RIN3: variants seen among roughly 807,000 people sequenced by gnomAD.
RIN3 encodes the protein Ras and Rab interactor 3.
A neutral mutation model predicts 76.3 loss-of-function variants in RIN3; 54 were observed. The ratio of observed to expected loss-of-function variants is 0.71; its 90% confidence interval spans 0.57 to 0.89. The LOEUF is 0.89. Ranked by LOEUF, RIN3 falls within the 40% of genes least tolerant of loss-of-function variation. The probability of loss-of-function intolerance (pLI) is 0.00; values close to 1 mark genes in which losing one functional copy is unlikely to be tolerated. For missense variants in RIN3, 1,256 were observed against 1,322.1 expected, an observed-to-expected ratio of 0.95 and a Z score of 0.78; for synonymous variants, 576 against 564.0, an observed-to-expected ratio of 1.02 and a Z score of -0.30.
chr14:92,621,503 T>G (rs1036646332), intron 4 of RIN3, among the ~76,000 whole-genome samples: 1 of 152,168 alleles, frequency 6.6e-6, no homozygotes, highest in African/African-American at 2.4e-5. Context: ...ATGAATACAT[T>G]GGTTTGTTTC....
chr14:92,548,120 TTATTTC>T (rs1368810341), intron 1 of RIN3, among the ~76,000 whole-genome samples: 1 of 152,204 alleles, frequency 6.6e-6, no homozygotes, highest in African/African-American at 2.4e-5. Flanking sequence ...CTTCTGGAAA[TTATTTC>T]TATGTATATT....
chr14:92,639,537 A>C (rs2140128861), intron 4 of RIN3, among the ~76,000 whole-genome samples: 1 of 152,250 alleles, frequency 6.6e-6, no homozygotes, highest in South Asian at 2.1e-4. Flanking sequence ...GGCCTTAAAC[A>C]CTAGGAAGAA....
At chr14:92,564,631 G>A (rs1897867787) in intron 2 of RIN3, among the ~76,000 whole-genome samples, 1 of 152,234 alleles carries the variant, frequency 6.6e-6, no homozygotes, top group Non-Finnish European at 1.5e-5. Context: ...TCAGCCCGTT[G>A]CTCTTACCAT....
chr14:92,651,947 C>A lies in RIN3; in HGVS notation c.898C>A (p.Leu300Ile). 1 of 1,299,592 alleles carries A rather than the reference C, an allele frequency of 7.7e-7. No individual in the cohort carries two copies. Among genetic ancestry groups the A allele is most frequent in the Non-Finnish European group, 1.0e-6 (1 of 987,738 alleles). 80.5% of individuals were successfully genotyped at this position (1,299,592 alleles called of 1,614,324 possible). A position where few individuals can be genotyped will look rare whatever the true frequency, so the allele number is the denominator to read the frequency against. ...QPCSPAQPPV[L>I]PALAPAPACP... ...CTGCAGCCCAGCCCAGCCCCCTGTG[C>A]TCCCTGCTCTTGCCCCCGCCCCTGC... Residue 300 changes from leucine (L) to isoleucine (I), a missense_variant, in exon 6 of 10, where the codon CTC becomes ATC. Leu to Ile is a conservative substitution (Grantham distance 5). Around this residue, in one of 3 missense-constraint regions of RIN3, gnomAD observed 610 missense variants for 626.4 expected, o/e 0.97. Coordinates refer to ENST00000216487, the MANE Select transcript of RIN3 (RefSeq NM_024832.5).
intron 2 of RIN3, among the ~76,000 whole-genome samples, chr14:92,575,069 T>C (rs1898180944): frequency 6.6e-6 from 1 of 152,206 alleles, no homozygotes; most frequent in Non-Finnish European, 1.5e-5. Context: ...TAGAATCTAA[T>C]GCACTAGTAT....
At chr14:92,675,857 G>A (rs910492657) in intron 7 of RIN3, among the ~76,000 whole-genome samples, 1 of 152,134 alleles carries the variant, frequency 6.6e-6, no homozygotes, top group African/African-American at 2.4e-5. Context: ...CATCTGCCAC[G>A]CAAAGTGTCT....
chr14:92,522,080 G>A (rs1896615388), intron 1 of RIN3, among the ~76,000 whole-genome samples: 1 of 152,152 alleles, frequency 6.6e-6, no homozygotes, highest in Non-Finnish European at 1.5e-5. Flanking sequence ...AAAGGTGGTT[G>A]GGGCCCCCTT....
At chr14:92,578,398 G>A (rs1898325685) in intron 3 of RIN3, among the ~76,000 whole-genome samples, 1 of 151,208 alleles carries the variant, frequency 6.6e-6, no homozygotes, top group African/African-American at 2.5e-5. Flanking sequence ...TGGGGCCCTT[G>A]TGGACTGCTG....
chr14:92,572,624 G>A (rs1898093161), intron 2 of RIN3, among the ~76,000 whole-genome samples: 1 of 152,170 alleles, frequency 6.6e-6, no homozygotes, highest in Admixed American at 6.5e-5. Context: ...CCCCTCAAGA[G>A]TCTAAGACCC....
chr14:92,517,210 G>A (rs929177469), intron 1 of RIN3, among the ~76,000 whole-genome samples: 4 of 152,200 alleles, frequency 2.6e-5, no homozygotes, highest in Admixed American at 6.5e-5. Flanking sequence ...GCAAAGGTTC[G>A]GGAGGTGGGA....
intron 8 of RIN3, among the ~76,000 whole-genome samples, chr14:92,678,121 T>C (rs1888533759): frequency 1.4e-5 from 2 of 146,976 alleles, no homozygotes; most frequent in South Asian, 2.2e-4. Context: ...CATCCACCCA[T>C]CCACATATTC....
At chr14:92,575,285 T>C (rs1328225543) in intron 2 of RIN3, among the ~76,000 whole-genome samples, 1 of 152,154 alleles carries the variant, frequency 6.6e-6, no homozygotes, top group African/African-American at 2.4e-5. Context: ...AGGAGCCTCC[T>C]GTGCTTGGGG....
At chr14:92,636,955 G>A (rs1033955621) in intron 4 of RIN3, among the ~76,000 whole-genome samples, 7 of 152,124 alleles carry the variant, frequency 4.6e-5, no homozygotes, top group South Asian at 2.1e-4. Flanking sequence ...TTGGGCACGC[G>A]TATGTGTACA....
chr14:92,614,418 A>T (rs894310871), intron 3 of RIN3, among the ~76,000 whole-genome samples: 1 of 152,204 alleles, frequency 6.6e-6, no homozygotes, highest in African/African-American at 2.4e-5. Flanking sequence ...GATCTATTAA[A>T]TGTTTAATTC....
intron 1 of RIN3, chr14:92,515,259 G>C (rs913804537): frequency 1.3e-5 from 9 of 700,212 alleles, no homozygotes; most frequent in African/African-American, 1.2e-4. Context: ...CGTTGGGGAA[G>C]AGCCCCCCAA....
intron 3 of RIN3, among the ~76,000 whole-genome samples, chr14:92,600,847 G>A (rs1885319363): frequency 1.3e-5 from 2 of 152,210 alleles, no homozygotes; most frequent in Non-Finnish European, 2.9e-5. Flanking sequence ...CCCGGGCTCT[G>A]TCCACTAGAT....
intron 1 of RIN3, among the ~76,000 whole-genome samples, chr14:92,523,823 C>T (rs964518639): frequency 1.3e-5 from 2 of 152,210 alleles, no homozygotes; most frequent in African/African-American, 4.8e-5. Context: ...GCTGAGAACT[C>T]GCCTAGGTTA....
At chr14:92,669,400 TATTGACTTTCCC>T (rs1181746014) in intron 7 of RIN3, among the ~76,000 whole-genome samples, 1 of 152,192 alleles carries the variant, frequency 6.6e-6, no homozygotes, top group East Asian at 1.9e-4. Context: ...TAACGTGTGA[TATTGACTTTCCC>T]ATTCTGCAAT....
At chr14:92,638,912 C>T (rs1474362903) in intron 4 of RIN3, among the ~76,000 whole-genome samples, 1 of 152,184 alleles carries the variant, frequency 6.6e-6, no homozygotes, top group Non-Finnish European at 1.5e-5. Flanking sequence ...CTTCCATAAA[C>T]ACAAGTGTCC....
Sources: allele counts gnomAD v4.1 joint callset (sites outside exome capture counted in the v4.1 genomes callset), GRCh38; gene constraint gnomAD v4.1.1; regional missense constraint gnomAD v4.1.1; transcripts MANE v1.5; gene names NCBI Gene and HGNC (gene_info 2026-07-23, HGNC 2026-07-21).